The following MGAT5B variants were observed in gnomAD, a reference collection of about 807,000 sequenced individuals.
MGAT5B encodes alpha-1,6-mannosylglycoprotein 6-beta-N-acetylglucosaminyltransferase B.
In MGAT5B, 54 loss-of-function variants were observed where a neutral mutation model predicts 95.1. The ratio of observed to expected loss-of-function variants is 0.57; its 90% CI spans 0.46 to 0.71. The LOEUF (loss-of-function observed/expected upper bound fraction) is 0.71, where lower values mean the gene tolerates loss of function less well. Among genes scored for constraint, MGAT5B ranks in the 30% least tolerant of loss-of-function variants. The probability of loss-of-function intolerance (pLI) is 0.00; values close to 1 mark genes in which losing one functional copy is unlikely to be tolerated. For missense variants in MGAT5B, 935 were observed against 1,088.6 expected (o/e 0.86, Z 1.99); for synonymous variants, 464 against 451.0 (o/e 1.03, Z -0.36).
At chr17:76,875,461 G>A (rs1967152201) in intron 2 of MGAT5B, among the ~76,000 whole-genome samples, 1 of 152,042 alleles carries the variant, frequency 6.6e-6, no homozygotes, top group Admixed American at 6.6e-5. Flanking sequence ...TAAGTTTCCT[G>A]AGGCCTCCCC....
In MGAT5B at chr17:76,946,360, C is replaced by G. The variant is rs546574387; in HGVS notation, c.1849-16C>G. On this transcript the variant is annotated splice_polypyrimidine_tract_variant and intron_variant, in intron 15 of 17. Coordinates refer to ENST00000569840, the MANE Select transcript of MGAT5B (RefSeq NM_001199172.2). Reference sequence around the variant, plus strand: ...GGCCTTCTCCCGCCCCATGTGTCTGCCCATCCCTCCCACAGGTAGACCCCT... The same window carrying G: ...GGCCTTCTCCCGCCCCATGTGTCTGGCCATCCCTCCCACAGGTAGACCCCT... The G allele has an allele frequency of 6.2e-7, 1 of 1,602,940 alleles. No homozygotes were observed. The highest frequency in any genetic ancestry group is 1.1e-5 in the South Asian group (1 of 89,814).
Position 76,869,047 on chromosome 17 carries a change from C to G in MGAT5B, c.18C>G (p.Pro6=), listed in dbSNP as rs764730115. The change falls in exon 1 of 18, where the codon CCC becomes CCG. Residue 6 remains proline, a synonymous_variant. Coordinates refer to ENST00000569840, the MANE Select transcript of MGAT5B (RefSeq NM_001199172.2). The surrounding 1 kb of genome is among the most constrained non-coding windows in gnomAD (Gnocchi z 7.0). ...TTTGAACAATGATCACCGTCAACCCCGATGGGAAGATAATGGTCAGAAGAT... is the reference window on the plus strand; with the variant it reads ...TTTGAACAATGATCACCGTCAACCCGGATGGGAAGATAATGGTCAGAAGAT... MITVN[P]DGKIMVRRCL... The G allele has an allele frequency of 1.4e-5, 22 of 1,613,980 alleles. No individual in the cohort carries two copies. In the Admixed American group the frequency reaches 2.8e-4, roughly 21 times the overall value.
chr17:76,925,024 G>C lies in MGAT5B; in HGVS notation c.1084G>C (p.Asp362His), dbSNP rs537970370. ...SCPLTMPLPFDLIYTDYHGLQ... is the reference protein window; with the variant it reads ...SCPLTMPLPFHLIYTDYHGLQ... ...CCCGCTCACCATGCCCCTGCCCTTC[G>C]ACCTCATCTACACCGACTACCACGG... The change falls in exon 9 of 18, where the codon GAC (aspartate) becomes CAC (histidine). Residue 362 changes from aspartate to histidine, a missense_variant. Asp to His is a moderately conservative substitution (Grantham distance 81). Around this residue, in one of 4 missense-constraint regions of MGAT5B, gnomAD observed 243 missense variants for 305.5 expected, o/e 0.80. Transcript: ENST00000569840. 6.2e-7 allele frequency: 1 copy of C among 1,601,918 alleles called. No individual in the cohort carries two copies. The highest frequency in any genetic ancestry group is 2.3e-5 in the East Asian group (1 of 44,322).
intron 6 of MGAT5B, among the ~76,000 whole-genome samples, chr17:76,904,800 A>C (rs1347578350): frequency 6.6e-6 from 1 of 152,224 alleles, no homozygotes. Flanking sequence ...TGAGGTTTAC[A>C]ATTGAATTAA....
Position 76,918,088 on chromosome 17 carries a change from C to T in MGAT5B, c.1026-6878C>T, listed in dbSNP as rs1007693542. Among the ~76,000 whole-genome samples the T allele has an allele frequency of 3.3e-5, 5 of 152,160 alleles. No individual in the cohort carries two copies. Among genetic ancestry groups the T allele is most frequent in the East Asian group, 1.9e-4 (1 of 5,186 alleles). ...ACTGAGTTTGCTTGCTAGGAAAGAA[C>T]GCTGGGGAAGAAAGTGCCAGCTTTG... is the stretch of plus-strand genomic sequence containing the variant. On this transcript the variant is annotated intron_variant, in intron 8 of 17. Transcript: ENST00000569840. The surrounding 1 kb of genome is among the most constrained non-coding windows in gnomAD (Gnocchi z 5.1).
At chr17:76,948,179 C>T (rs1970095821) in intron 17 of MGAT5B, 93 bp downstream of exon 17, 3 of 1,477,522 alleles carry the variant, frequency 2.0e-6, no homozygotes, top group Non-Finnish European at 2.7e-6. Context: ...CGGCCCTCAG[C>T]CCTGCCAGTG....
At position 76,904,311 on chromosome 17, in the gene MGAT5B, C is replaced by T. The variant is rs201242038; in HGVS notation, c.579C>T (p.Thr193=). The change falls in exon 6 of 18, where the codon ACC becomes ACT. Residue 193 remains threonine, a synonymous_variant. Coordinates refer to ENST00000569840, the MANE Select transcript of MGAT5B (RefSeq NM_001199172.2). Reference sequence around the variant, plus strand: ...ACGCCTTCTTTGGGGTGGACGGCACCGAGTGCTCCTTCCTCATCTACCTCA... The same window carrying T: ...ACGCCTTCTTTGGGGTGGACGGCACTGAGTGCTCCTTCCTCATCTACCTCA... ...PCYAFFGVDG[T]ECSFLIYLSE... 21 of 1,610,070 alleles carry T rather than the reference C, an allele frequency of 1.3e-5. No individual in the cohort carries two copies. The highest frequency in any genetic ancestry group is 3.3e-5 in the South Asian group (3 of 89,940).
At chr17:76,947,680 A>G in intron 16 of MGAT5B, 150 bp from the exon 17 acceptor site, 1 of 1,308,266 alleles carries the variant, frequency 7.6e-7, no homozygotes, top group Non-Finnish European at 9.8e-7. Context: ...CATGAGAAGT[A>G]AATGAAATAA....
intron 8 of MGAT5B, among the ~76,000 whole-genome samples, chr17:76,922,838 G>A (rs1196001043): frequency 6.6e-6 from 1 of 152,122 alleles, no homozygotes; most frequent in Non-Finnish European, 1.5e-5. Context: ...TGGTGATTAG[G>A]TTTTCACATT....
Position 76,940,806 on chromosome 17 carries a change from AGAG to A in MGAT5B, c.1810_1812del (p.Glu604del). 6.2e-7 allele frequency: 1 copy of A among 1,613,954 alleles called. No individual in the cohort carries two copies. The highest frequency in any genetic ancestry group is 8.5e-7 in the Non-Finnish European group (1 of 1,179,878). ...TGTGGACAGTCGACTACAACAACTC[AGAG>A]GAGTTTGAAGCAGCCATCAAGGCCA... On this transcript the variant is annotated inframe_deletion, in exon 15 of 18. Coordinates refer to ENST00000569840, the MANE Select transcript of MGAT5B (RefSeq NM_001199172.2). The surrounding 1 kb of genome is among the most constrained non-coding windows in gnomAD (Gnocchi z 4.3).
chr17:76,910,966 G>A (rs1968711727), intron 8 of MGAT5B, among the ~76,000 whole-genome samples: 1 of 152,186 alleles, frequency 6.6e-6, no homozygotes, highest in Non-Finnish European at 1.5e-5. Flanking sequence ...AAAAATAAAA[G>A]CAAAACCACC....
At chr17:76,878,815 T>A (rs1831459817) in intron 2 of MGAT5B, among the ~76,000 whole-genome samples, 1 of 152,132 alleles carries the variant, frequency 6.6e-6, no homozygotes, top group Non-Finnish European at 1.5e-5. Context: ...CTTTTCCCAT[T>A]TCTCTAATCT....
At chr17:76,928,620 A>T (rs1181509418) in intron 10 of MGAT5B, among the ~76,000 whole-genome samples, 2 of 151,892 alleles carry the variant, frequency 1.3e-5, no homozygotes, top group African/African-American at 4.8e-5. Flanking sequence ...CAGGAGAATC[A>T]CTTGAACCCG....
intron 3 of MGAT5B, among the ~76,000 whole-genome samples, chr17:76,884,894 G>A (rs368317398): frequency 1.1e-3 from 173 of 152,130 alleles, no homozygotes; most frequent in African/African-American, 2.8e-3. Flanking sequence ...GAGCCACTGC[G>A]CCCGGCCTAA....
At chr17:76,897,502 CCG>C (rs1323981929) in intron 3 of MGAT5B, among the ~76,000 whole-genome samples, 1 of 152,044 alleles carries the variant, frequency 6.6e-6, no homozygotes, top group African/African-American at 2.4e-5. Flanking sequence ...ATGCATCACT[CCG>C]CTCTCTGCCT....
chr17:76,894,205 A>G (rs141025904), intron 3 of MGAT5B, among the ~76,000 whole-genome samples: 2 of 152,152 alleles, frequency 1.3e-5, no homozygotes, highest in Admixed American at 1.3e-4. Context: ...GTCTCCAGCC[A>G]TGTTGCCTGT....
At chr17:76,933,236 T>A in intron 11 of MGAT5B, 56 bp from the exon 12 acceptor site, 1 of 1,597,700 alleles carries the variant, frequency 6.3e-7, no homozygotes. Flanking sequence ...CTGCGAATCA[T>A]CACTAACCTG....
chr17:76,874,815 T>C (rs1315602981), intron 2 of MGAT5B, among the ~76,000 whole-genome samples: 1 of 151,948 alleles, frequency 6.6e-6, no homozygotes, highest in Non-Finnish European at 1.5e-5. Context: ...CAGTTTTGCC[T>C]GGGTATGGGG....
At chr17:76,942,406 G>A (rs28576948) in intron 15 of MGAT5B, among the ~76,000 whole-genome samples, 40,980 of 152,070 alleles carry the variant, frequency 0.27, 5,639 homozygotes, top group East Asian at 0.37. Context: ...GGTGGCACAC[G>A]ACTGTGATCC....
Sources: gnomAD v4.1 joint callset for allele counts (sites outside exome capture counted in the v4.1 genomes callset) on GRCh38, gnomAD v4.1.1 for gene constraint, gnomAD v4.1.1 regional missense constraint, Gnocchi (gnomAD v3.1) non-coding constraint, MANE v1.5 for transcripts, NCBI Gene and HGNC (gene_info 2026-07-23, HGNC 2026-07-21) for gene names.